The following CCNY variants were observed in gnomAD, a reference collection of about 807,000 sequenced individuals.
CCNY encodes the protein cyclin Y, also known as cyclin-Y.
Under a neutral mutation model 42.8 loss-of-function variants are expected in CCNY, and 19 were observed. The observed-to-expected ratio is 0.44, with a 90% CI of 0.31 to 0.65. The LOEUF (loss-of-function observed/expected upper bound fraction) is 0.65. Among genes scored for constraint, CCNY ranks in the 30% least tolerant of loss-of-function variants. CCNY has a pLI of 0.07. For missense variants in CCNY, 370 were observed against 437.3 expected (o/e 0.85, Z 1.37); for synonymous variants, 165 against 162.7 (o/e 1.01, Z -0.11).
chr10:35,440,911 C>CT (rs1158738068), intron 1 of CCNY, among the ~76,000 whole-genome samples: 1 of 152,176 alleles, frequency 6.6e-6, no homozygotes, highest in Non-Finnish European at 1.5e-5. Context: ...TAAGACATCT[C>CT]TTTTCACACA....
intron 1 of CCNY, among the ~76,000 whole-genome samples, chr10:35,413,489 T>G (rs1837957194): frequency 6.6e-6 from 1 of 152,202 alleles, no homozygotes; most frequent in Non-Finnish European, 1.5e-5. Flanking sequence ...ATATATGTGA[T>G]TCTGCCCTAA....
At chr10:35,363,034 C>T (rs1217962774) in intron 1 of CCNY, among the ~76,000 whole-genome samples, 1 of 129,022 alleles carries the variant, frequency 7.8e-6, no homozygotes, top group Non-Finnish European at 1.6e-5. Context: ...GGGCCGCCGG[C>T]GGCCGGGCGG....
At chr10:35,341,381 G>A (rs573306592) in intron 1 of CCNY, among the ~76,000 whole-genome samples, 7 of 152,160 alleles carry the variant, frequency 4.6e-5, no homozygotes, top group African/African-American at 9.6e-5. Flanking sequence ...CCTTTCTGCC[G>A]CCCACTGGCA....
intron 3 of CCNY, among the ~76,000 whole-genome samples, chr10:35,304,751 G>A (rs928261911): frequency 6.6e-6 from 1 of 152,156 alleles, no homozygotes; most frequent in African/African-American, 2.4e-5. Flanking sequence ...AGAATCCCTA[G>A]CCTCTACCCA....
chr10:35,436,697 C>A (rs568851587), intron 1 of CCNY, among the ~76,000 whole-genome samples: 1 of 152,244 alleles, frequency 6.6e-6, no homozygotes, highest in East Asian at 1.9e-4. Flanking sequence ...GCTTTGACTT[C>A]TGTACGTTGG....
chr10:35,415,578 C>A (rs1838005808), intron 1 of CCNY, among the ~76,000 whole-genome samples: 1 of 152,154 alleles, frequency 6.6e-6, no homozygotes, highest in Non-Finnish European at 1.5e-5. Flanking sequence ...GGGCTCCTTT[C>A]CTCAGTCTGC....
At chr10:35,447,657 T>TA (rs1838822531) in intron 1 of CCNY, among the ~76,000 whole-genome samples, 1 of 152,182 alleles carries the variant, frequency 6.6e-6, no homozygotes, top group African/African-American at 2.4e-5. Context: ...TAGCTTGAAA[T>TA]ATTTATAAGT....
At chr10:35,493,476 C>T (rs906020008) in intron 2 of CCNY, among the ~76,000 whole-genome samples, 1 of 152,238 alleles carries the variant, frequency 6.6e-6, no homozygotes, top group African/African-American at 2.4e-5. Context: ...CTTTTCATAG[C>T]TTACCATGTT....
chr10:35,357,179 C>T (rs1217714350), intron 1 of CCNY, among the ~76,000 whole-genome samples: 1 of 151,506 alleles, frequency 6.6e-6, no homozygotes, highest in Admixed American at 6.6e-5. Context: ...TGCTCCTGCC[C>T]CTGCCCCTGC....
At chr10:35,447,711 A>G (rs1467542025) in intron 1 of CCNY, among the ~76,000 whole-genome samples, 2 of 152,184 alleles carry the variant, frequency 1.3e-5, no homozygotes, top group Admixed American at 6.5e-5. Flanking sequence ...GCCAGAAATA[A>G]TGGGCATGTC....
chr10:35,302,857 G>A (rs2135075592), intron 3 of CCNY, among the ~76,000 whole-genome samples: 2 of 152,226 alleles, frequency 1.3e-5, no homozygotes, highest in Middle Eastern at 3.4e-3. Context: ...TTGTTAGTAT[G>A]GCATGCTTAT....
At chr10:35,390,039 C>G (rs984052812) in intron 1 of CCNY, among the ~76,000 whole-genome samples, 1 of 152,158 alleles carries the variant, frequency 6.6e-6, no homozygotes, top group East Asian at 1.9e-4. Context: ...GATCTCCTAC[C>G]AGGCATTCAT....
intron 2 of CCNY, among the ~76,000 whole-genome samples, chr10:35,495,509 C>G (rs1269377472): frequency 6.6e-6 from 1 of 152,220 alleles, no homozygotes; most frequent in Non-Finnish European, 1.5e-5. Flanking sequence ...GCTGTGCCCT[C>G]AACATCTTAG....
At chr10:35,415,250 T>C (rs1352238292) in intron 1 of CCNY, among the ~76,000 whole-genome samples, 1 of 152,062 alleles carries the variant, frequency 6.6e-6, no homozygotes, top group Non-Finnish European at 1.5e-5. Flanking sequence ...GAAAGACTTT[T>C]GGGTCCTTGA....
At chr10:35,465,938 A>AGAGAGAGAGAGAGAGAGAGT in intron 1 of CCNY, among the ~76,000 whole-genome samples, 15 of 81,024 alleles carry the variant, frequency 1.9e-4, no homozygotes, top group South Asian at 5.1e-4. Flanking sequence ...AGAGAGAGAG[A>AGAGAGAGAGAGAGAGAGAGT]GTGTGTGTGT....
chr10:35,421,326 C>T (rs954890841), intron 1 of CCNY, among the ~76,000 whole-genome samples: 2 of 152,140 alleles, frequency 1.3e-5, no homozygotes, highest in Non-Finnish European at 1.5e-5. Context: ...TTCAGAGGCA[C>T]GGTTTATCAT....
At chr10:35,433,757 A>T (rs1260009569) in intron 1 of CCNY, among the ~76,000 whole-genome samples, 1 of 152,152 alleles carries the variant, frequency 6.6e-6, no homozygotes, top group Non-Finnish European at 1.5e-5. Context: ...GACCACAGGC[A>T]CGTGCCACCA....
At chr10:35,399,232 T>C (rs1038907354) in intron 1 of CCNY, among the ~76,000 whole-genome samples, 2 of 152,142 alleles carry the variant, frequency 1.3e-5, no homozygotes, top group East Asian at 3.8e-4. Flanking sequence ...GATGTTCCTG[T>C]TGAGCATGGT....
At chr10:35,535,848 C>T (rs1232563295) in intron 7 of CCNY, among the ~76,000 whole-genome samples, 2 of 152,154 alleles carry the variant, frequency 1.3e-5, no homozygotes, top group East Asian at 3.9e-4. Context: ...GGGACTTGAG[C>T]ATCCTCACAT....
Sources: gnomAD v4.1 joint callset for allele counts (sites outside exome capture counted in the v4.1 genomes callset) on GRCh38, gnomAD v4.1.1 for gene constraint, MANE v1.5 for transcripts, NCBI Gene and HGNC (gene_info 2026-07-23, HGNC 2026-07-21) for gene names.